Variants in THADA observed in about 807,000 individuals in gnomAD.
THADA encodes tRNA (32-2'-O)-methyltransferase regulator THADA.
In THADA, 213 loss-of-function variants were observed where a neutral mutation model predicts 219.8. The observed-to-expected ratio is 0.97, with a 90% CI of 0.87 to 1.09. The LOEUF (loss-of-function observed/expected upper bound fraction) is 1.09, where lower values mean the gene tolerates loss of function less well. Among genes scored for constraint, THADA ranks in the 50% least tolerant of loss-of-function variants. THADA has a pLI of 0.00. For missense variants in THADA, 2,956 were observed against 2,311.3 expected (o/e 1.28, Z -5.72); for synonymous variants, 1,018 against 828.9 (o/e 1.23, Z -3.92).
chr2:43,415,590 G>A (rs2104772697), intron 28 of THADA, among the ~76,000 whole-genome samples: 1 of 152,274 alleles, frequency 6.6e-6, no homozygotes, highest in South Asian at 2.1e-4. Flanking sequence ...TTAGAACTCA[G>A]GAATATTTAT....
intron 22 of THADA, among the ~76,000 whole-genome samples, chr2:43,525,815 T>C (rs1693102023): frequency 6.6e-6 from 1 of 152,214 alleles, no homozygotes. Context: ...TGTTACTATC[T>C]ATGTGGGGAC....
At chr2:43,527,498 C>A (rs1040147898) in intron 22 of THADA, among the ~76,000 whole-genome samples, 4 of 152,016 alleles carry the variant, frequency 2.6e-5, no homozygotes, top group Non-Finnish European at 5.9e-5. Flanking sequence ...AAACCAAAAT[C>A]CTTAAGTGCT....
intron 25 of THADA, among the ~76,000 whole-genome samples, chr2:43,491,543 A>G (rs1687640114): frequency 6.6e-6 from 1 of 152,192 alleles, no homozygotes; most frequent in Non-Finnish European, 1.5e-5. Flanking sequence ...TTGTATTTTT[A>G]CTGTACTTTT....
At position 43,293,141 on chromosome 2, in the gene THADA, G is replaced by C; in HGVS notation, c.4511C>G (p.Pro1504Arg). Residue 1504 changes from proline to arginine, a missense_variant, in exon 32 of 38, where the codon CCT becomes CGT. Coordinates refer to ENST00000405975, the MANE Select transcript of THADA (RefSeq NM_022065.5). The part of the protein sequence containing the change: ...ISGSELITGF[P>R]WAFKVPGLPQ... The stretch of plus-strand genomic sequence containing the variant: ...CAGGCCTGGCACCTTGAAGGCCCAA[G>C]GGAATCCCGTTATCAGCTCTGATCC... 6.2e-7 allele frequency: 1 copy of C among 1,614,020 alleles called. No individual in the cohort carries two copies. The highest frequency in any genetic ancestry group is 8.5e-7 in the Non-Finnish European group (1 of 1,179,902).
At chr2:43,248,208 G>C (rs1389771469) in intron 36 of THADA, among the ~76,000 whole-genome samples, 12 of 131,998 alleles carry the variant, frequency 9.1e-5, no homozygotes, top group Non-Finnish European at 1.5e-4. Context: ...GAGAGAGAGA[G>C]AGAGAGACAG....
At chr2:43,289,116 G>T (rs1674393077) in intron 34 of THADA, among the ~76,000 whole-genome samples, 1 of 152,100 alleles carries the variant, frequency 6.6e-6, no homozygotes, top group South Asian at 2.1e-4. Flanking sequence ...TGTTTTCAAG[G>T]TTCACCCATG....
At chr2:43,514,975 T>C (rs1467600051) in intron 22 of THADA, among the ~76,000 whole-genome samples, 21 of 69,622 alleles carry the variant, frequency 3.0e-4, no homozygotes, top group Non-Finnish European at 5.1e-4. Context: ...ATATATAATA[T>C]ATAACATTTT....
At chr2:43,343,493 A>G (rs1167869632) in intron 30 of THADA, 1 of 152,278 alleles carries the variant, frequency 6.6e-6, no homozygotes, top group South Asian at 2.1e-4. Flanking sequence ...GTCCTGCAAC[A>G]CAGATTTTGA....
At chr2:43,449,372 A>AAGAG (rs1045180380) in intron 26 of THADA, among the ~76,000 whole-genome samples, 2 of 151,864 alleles carry the variant, frequency 1.3e-5, no homozygotes, top group Non-Finnish European at 2.9e-5. Flanking sequence ...CTAGAAGGAG[A>AAGAG]AGAGAGAGAG....
intron 29 of THADA, among the ~76,000 whole-genome samples, chr2:43,355,565 A>G (rs1573236040): frequency 1.3e-5 from 2 of 152,330 alleles, no homozygotes; most frequent in East Asian, 3.9e-4. Context: ...GACAGCCAAG[A>G]AATCACTGCC....
At position 43,515,249 on chromosome 2, in the gene THADA, TATATATAATATATA is replaced by T. The variant is rs1402586041; in HGVS notation, c.3375-6483_3375-6470del. ...ATATAATATATAATATATAATATATTATATATAATATATAATATATAATATATAATATATTATAT... is the reference window on the plus strand; with the variant it reads ...ATATAATATATAATATATAATATATTATATATAATATATAATATATTATAT... On this transcript the variant is annotated intron_variant, in intron 22 of 37. Coordinates refer to ENST00000405975, the MANE Select transcript of THADA (RefSeq NM_022065.5). Among the ~76,000 whole-genome samples the T allele has an allele frequency of 1.5e-3, 20 of 13,564 alleles. 1 individual carries two copies. The highest frequency in any genetic ancestry group is 2.6e-3 in the Admixed American group (2 of 766). The allele number at this position is 13,564 out of a possible 152,430, so 8.9% of individuals were successfully genotyped here.
At chr2:43,310,835 A>G (rs1677417499) in intron 31 of THADA, among the ~76,000 whole-genome samples, 1 of 152,256 alleles carries the variant, frequency 6.6e-6, no homozygotes, top group Non-Finnish European at 1.5e-5. Flanking sequence ...CTTATAAGGG[A>G]TTAATATCTT....
At chr2:43,485,067 G>A (rs1316659069) in intron 26 of THADA, among the ~76,000 whole-genome samples, 167 bp downstream of exon 26, 1 of 151,724 alleles carries the variant, frequency 6.6e-6, no homozygotes, top group South Asian at 2.1e-4. Flanking sequence ...TGATATTTTT[G>A]CCCAAGGGTT....
chr2:43,474,791 A>G (rs1438251788), intron 26 of THADA, among the ~76,000 whole-genome samples: 1 of 152,208 alleles, frequency 6.6e-6, no homozygotes, highest in Non-Finnish European at 1.5e-5. Context: ...TCTGAAGAGT[A>G]TTAGATGCTT....
At chr2:43,355,256 G>A (rs1044378666) in intron 29 of THADA, among the ~76,000 whole-genome samples, 1 of 152,138 alleles carries the variant, frequency 6.6e-6, no homozygotes, top group African/African-American at 2.4e-5. Flanking sequence ...ATACCTAGTA[G>A]TGGGATTGCT....
chr2:43,556,250 A>C (rs1558965046), intron 17 of THADA, 95 bp downstream of exon 17: 1 of 1,525,564 alleles, frequency 6.6e-7, no homozygotes, highest in South Asian at 1.3e-5. Flanking sequence ...TTAAATAAAA[A>C]ACCACAAAAT....
chr2:43,460,294 T>G (rs1683477674), intron 26 of THADA, among the ~76,000 whole-genome samples: 1 of 142,396 alleles, frequency 7.0e-6, no homozygotes, highest in Admixed American at 7.0e-5. Flanking sequence ...AAATGAGATC[T>G]GAGGAACACT....
At chr2:43,240,252 G>C (rs914360681) in intron 36 of THADA, among the ~76,000 whole-genome samples, 2 of 152,192 alleles carry the variant, frequency 1.3e-5, no homozygotes, top group Non-Finnish European at 2.9e-5. Context: ...GGCCAGGCAG[G>C]CTGGGGTGGC....
chr2:43,554,282 G>T (rs1378471735), intron 17 of THADA, among the ~76,000 whole-genome samples: 3 of 152,080 alleles, frequency 2.0e-5, no homozygotes, highest in Admixed American at 6.6e-5. Context: ...GCTAGCTTTT[G>T]TATATGGCAT....
Sources: allele counts gnomAD v4.1 joint callset (sites outside exome capture counted in the v4.1 genomes callset), GRCh38; gene constraint gnomAD v4.1.1; transcripts MANE v1.5; gene names NCBI Gene and HGNC (gene_info 2026-07-23, HGNC 2026-07-21).